Variants in ZFYVE19 observed in about 807,000 individuals in gnomAD.
ZFYVE19 encodes zinc finger FYVE-type containing 19.
Under a neutral mutation model 62.8 loss-of-function variants are expected in ZFYVE19, and 49 were observed. The ratio of observed to expected loss-of-function variants is 0.78; its 90% CI spans 0.62 to 0.99. The LOEUF (loss-of-function observed/expected upper bound fraction) is 0.99. Ranked by LOEUF, ZFYVE19 falls within the 50% of genes least tolerant of loss-of-function variation. The pLI is 0.00. For synonymous variants in ZFYVE19, 242 were observed against 234.3 expected (o/e 1.03, Z -0.30); for missense variants, 630 against 601.9 (o/e 1.05, Z -0.49).
At position 40,809,195 on chromosome 15, in the gene ZFYVE19, A is replaced by T; in HGVS notation, c.356A>T (p.Asn119Ile). The T allele has an allele frequency of 6.2e-7, 1 of 1,614,218 alleles. No individual in the cohort carries two copies. ...SFSAAVPRTGNTQQKVCKQCH... is the reference protein window; with the variant it reads ...SFSAAVPRTGITQQKVCKQCH... ...AGTGCAGCAGTGCCTCGGACTGGGAACACCCAACAGAAAGTCTGCAAGCAA... is the reference window on the plus strand; with the variant it reads ...AGTGCAGCAGTGCCTCGGACTGGGATCACCCAACAGAAAGTCTGCAAGCAA... The change falls in exon 2 of 11, where the codon AAC becomes ATC. Residue 119 changes from asparagine to isoleucine, a missense_variant. Coordinates refer to ENST00000355341, the MANE Select transcript of ZFYVE19 (RefSeq NM_001077268.2).
In ZFYVE19 at chr15:40,814,183, A is replaced by T; in HGVS notation, c.1373A>T (p.Gln458Leu). 6.2e-7 allele frequency: 1 copy of T among 1,614,222 alleles called. No individual in the cohort carries two copies. Among genetic ancestry groups the T allele is most frequent in the Non-Finnish European group, 8.5e-7 (1 of 1,180,046 alleles). The part of the protein sequence containing the change: ...GHDAFELKEH[Q>L]TSAYSPPRAG... The stretch of plus-strand genomic sequence containing the variant: ...GATGCCTTTGAGCTTAAAGAGCACC[A>T]GACATCTGCCTACTCTCCTCCACGT... The change falls in exon 11 of 11, where the codon CAG (glutamine) becomes CTG (leucine). Residue 458 changes from glutamine to leucine, a missense_variant. Transcript: ENST00000355341.
rs796475301 is a variant in ZFYVE19 at position 40,810,569 on chromosome 15, G to T, written c.718-80G>T. Reference sequence around the variant, plus strand: ...TCCCTCTCCTTTCCCTGGGCTTTGAGAACTACTTAGCATCCATCCCTGACC... The same window carrying T: ...TCCCTCTCCTTTCCCTGGGCTTTGATAACTACTTAGCATCCATCCCTGACC... On this transcript the variant is annotated intron_variant, in intron 5 of 10. Transcript: ENST00000355341. 9.2e-6 allele frequency: 14 copies of T among 1,521,538 alleles called. No individual in the cohort carries two copies. In the African/African-American group the frequency reaches 1.8e-4, roughly 20 times the overall value. The allele number at this position is 1,521,538 out of a possible 1,614,324, so 94.3% of individuals were successfully genotyped here.
chr15:40,810,444 G>A (rs1301666122), intron 5 of ZFYVE19, among the ~76,000 whole-genome samples: 3 of 152,134 alleles, frequency 2.0e-5, no homozygotes, highest in South Asian at 2.1e-4. Flanking sequence ...TACCAGACCC[G>A]GGGACCAGGG....
intron 6 of ZFYVE19, chr15:40,810,977 G>T (rs959210360): frequency 1.9e-6 from 1 of 521,816 alleles, no homozygotes; most frequent in South Asian, 2.1e-5. Flanking sequence ...TTTCTACCAC[G>T]TATTAGCTGT....
chr15:40,810,422 C>T (rs898723853), intron 5 of ZFYVE19, among the ~76,000 whole-genome samples: 1 of 152,192 alleles, frequency 6.6e-6, no homozygotes, highest in African/African-American at 2.4e-5. Context: ...ACCTCCTGAT[C>T]CTCAGGCCTG....
chr15:40,807,698 G>T lies in ZFYVE19; in HGVS notation c.109G>T (p.Val37Leu). 6.3e-7 allele frequency: 1 copy of T among 1,597,214 alleles called. No homozygotes were observed. The change falls in exon 1 of 11, where the codon GTG (valine) becomes TTG (leucine). Residue 37 changes from valine to leucine, a missense_variant. Coordinates refer to ENST00000355341, the MANE Select transcript of ZFYVE19 (RefSeq NM_001077268.2). ...LGRGGTVPVGVWGGAGQGREG... is the reference protein window; with the variant it reads ...LGRGGTVPVGLWGGAGQGREG... ...TCGCGGCGGGACAGTGCCAGTGGGC[G>T]TGTGGGGCGGGGCAGGGCAGGGAAG...
Position 40,807,349 on chromosome 15 carries a change from T to G in ZFYVE19, c.-241T>G. On this transcript the variant is annotated 5_prime_UTR_variant, in exon 1 of 11. Coordinates refer to ENST00000355341, the MANE Select transcript of ZFYVE19 (RefSeq NM_001077268.2). ...ACCGCCAGACCTCTCAAGATCAGCC[T>G]TCCTCGCCACCGTTCTCACCTCTTT... 1.2e-6 allele frequency: 2 copies of G among 1,614,242 alleles called. No individual in the cohort carries two copies. The highest frequency in any genetic ancestry group is 2.2e-5 in the South Asian group (2 of 91,088).
At chr15:40,812,472 G>C (rs1188341308) in intron 6 of ZFYVE19, among the ~76,000 whole-genome samples, 1 of 151,440 alleles carries the variant, frequency 6.6e-6, no homozygotes, top group Non-Finnish European at 1.5e-5. Flanking sequence ...CTTGAATCCA[G>C]GAGGCAGAGG....
rs774409127 is a variant in ZFYVE19, at chr15:40,813,788, C to A, written c.1186C>A (p.Gln396Lys). Residue 396 changes from glutamine to lysine, a missense_variant, in exon 9 of 11, where the codon CAA becomes AAA. By Grantham distance (53) the Gln-to-Lys change is moderately conservative. Transcript: ENST00000355341. The stretch of plus-strand genomic sequence containing the variant: ...AGAGCAGGCTTCTCGACCCTGGACG[C>A]AACCCCGCGGGGCAGAGCCTGAGGT... ...PAEQASRPWT[Q>K]PRGAEPEAQD... 3 of 1,614,084 alleles carry A rather than the reference C, an allele frequency of 1.9e-6. No homozygotes were observed. Among genetic ancestry groups the A allele is most frequent in the Non-Finnish European group, 2.5e-6 (3 of 1,179,992 alleles).
chr15:40,810,158 T>G lies in ZFYVE19; in HGVS notation c.659T>G (p.Met220Arg). Residue 220 changes from methionine (M) to arginine (R), a missense_variant, in exon 5 of 11, where the codon ATG becomes AGG. Coordinates refer to ENST00000355341, the MANE Select transcript of ZFYVE19 (RefSeq NM_001077268.2). ...RQGSIPSTQE[M>R]EARLAALQGR... ...GGTTCCATCCCTTCCACCCAGGAAA[T>G]GGAGGCACGACTTGCAGCGTTGCAG... is the stretch of plus-strand genomic sequence containing the variant. The G allele has an allele frequency of 6.2e-7, 1 of 1,614,066 alleles. No homozygotes were observed. The highest frequency in any genetic ancestry group is 8.5e-7 in the Non-Finnish European group (1 of 1,180,022).
intron 6 of ZFYVE19, among the ~76,000 whole-genome samples, chr15:40,812,418 T>C (rs960872647): frequency 6.6e-6 from 1 of 151,752 alleles, no homozygotes; most frequent in African/African-American, 2.4e-5. Context: ...TGGTGTCACG[T>C]GCCTGTAATC....
At chr15:40,813,542 C>A (rs1028557159) in intron 8 of ZFYVE19, 125 bp downstream of exon 8, 4 of 1,174,410 alleles carry the variant, frequency 3.4e-6, no homozygotes, top group Non-Finnish European at 4.8e-6. Context: ...CTCCTGTGAC[C>A]CAGACCCAGA....
chr15:40,810,809 C>T (rs1286623013), intron 6 of ZFYVE19, 52 bp downstream of exon 6: 2 of 1,546,194 alleles, frequency 1.3e-6, no homozygotes, highest in African/African-American at 1.4e-5. Flanking sequence ...TTTCCCCAGA[C>T]TGGAGAGGCT....
Position 40,807,510 on chromosome 15 carries a change from G to C in ZFYVE19, c.-80G>C, listed in dbSNP as rs1890284586. 2 of 1,608,480 alleles carry C rather than the reference G, an allele frequency of 1.2e-6. No homozygotes were observed. Among genetic ancestry groups the C allele is most frequent in the African/African-American group, 2.7e-5 (2 of 74,824 alleles). ...GTCTAAGCGCGCGTGAGGACTGCAG[G>C]CTCCGAGCGGCGCCTAGCCCTCTGG... On this transcript the variant is annotated 5_prime_UTR_variant, in exon 1 of 11. Transcript: ENST00000355341.
chr15:40,810,133 G>A lies in ZFYVE19; in HGVS notation c.634G>A (p.Gly212Ser). Residue 212 changes from glycine (G) to serine (S), a missense_variant, in exon 5 of 11, where the codon GGT becomes AGT. By Grantham distance (56) the Gly-to-Ser change is moderately conservative. Transcript: ENST00000355341. ...RLAALKDERQ[G>S]SIPSTQEMEA... ...GGCTGCCCTAAAGGATGAACGTCAG[G>A]GTTCCATCCCTTCCACCCAGGAAAT... 6.2e-7 allele frequency: 1 copy of A among 1,614,124 alleles called. No homozygotes were observed. Among genetic ancestry groups the A allele is most frequent in the Non-Finnish European group, 8.5e-7 (1 of 1,180,042 alleles).
At chr15:40,807,960 C>T in intron 1 of ZFYVE19, 92 bp downstream of exon 1, 3 of 1,454,422 alleles carry the variant, frequency 2.1e-6, no homozygotes, top group Non-Finnish European at 2.8e-6. Context: ...CTTACGGCTC[C>T]TTTCCAGCTG....
Position 40,809,983 on chromosome 15 carries a change from A to G in ZFYVE19, c.571+13A>G. The stretch of plus-strand genomic sequence containing the variant: ...GAGAACAAGCCCAGTGAGCAGGGGC[A>G]GATGGGGTTGCCTAGAGGACACAGT... On this transcript the variant is annotated intron_variant, in intron 4 of 10. Coordinates refer to ENST00000355341, the MANE Select transcript of ZFYVE19 (RefSeq NM_001077268.2). The G allele has an allele frequency of 6.2e-7, 1 of 1,614,208 alleles. No homozygotes were observed. The highest frequency in any genetic ancestry group is 8.5e-7 in the Non-Finnish European group (1 of 1,180,006).
intron 6 of ZFYVE19, among the ~76,000 whole-genome samples, chr15:40,811,283 T>A (rs1269362527): frequency 6.6e-6 from 1 of 152,222 alleles, no homozygotes. Flanking sequence ...TGATATGGAA[T>A]GTTTCCATCA....
chr15:40,813,198 G>A, intron 7 of ZFYVE19, 140 bp from the exon 8 acceptor site: 1 of 784,068 alleles, frequency 1.3e-6, no homozygotes, highest in East Asian at 2.7e-5. Context: ...AGGTCATCAG[G>A]GTGGCTGAAG....
Sources: gnomAD v4.1 joint callset for allele counts (sites outside exome capture counted in the v4.1 genomes callset) on GRCh38, gnomAD v4.1.1 for gene constraint, MANE v1.5 for transcripts, NCBI Gene and HGNC (gene_info 2026-07-23, HGNC 2026-07-21) for gene names.